The following GTF2A2 variants were observed in gnomAD, a reference collection of about 807,000 sequenced individuals.
GTF2A2 encodes general transcription factor IIA subunit 2, also known as transcription initiation factor IIA subunit 2.
A neutral mutation model predicts 14.3 loss-of-function variants in GTF2A2; 9 were observed. The observed-to-expected ratio is 0.63, with a 90% CI of 0.38 to 1.10. The LOEUF is 1.10. GTF2A2 is among the 50% of genes least tolerant of loss of function. The pLI is 0.01. For synonymous variants in GTF2A2, 56 were observed against 46.0 expected, an observed-to-expected ratio of 1.22 and a Z score of -0.88; for missense variants, 90 against 124.6, an observed-to-expected ratio of 0.72 and a Z score of 1.32.
intron 3 of GTF2A2, among the ~76,000 whole-genome samples, chr15:59,645,460 AG>A (rs1281292495): frequency 6.6e-6 from 1 of 152,198 alleles, no homozygotes; most frequent in African/African-American, 2.4e-5. Context: ...CAAGGGAAAT[AG>A]GGGTTCAAAA....
At chr15:59,652,109 G>C in intron 2 of GTF2A2, 97 bp downstream of exon 2, 2 of 727,652 alleles carry the variant, frequency 2.7e-6, no homozygotes. Flanking sequence ...AATAGTCCAA[G>C]ATATTTTACC....
intron 1 of GTF2A2, among the ~76,000 whole-genome samples, chr15:59,654,348 C>G (rs1369192008): frequency 1.3e-5 from 2 of 152,166 alleles, no homozygotes; most frequent in Admixed American, 6.5e-5. Flanking sequence ...GGTGGCTCTT[C>G]TTTTTGCTGA....
At chr15:59,651,831 C>G (rs1316137571) in intron 2 of GTF2A2, 1 of 167,170 alleles carries the variant, frequency 6.0e-6, no homozygotes, top group Non-Finnish European at 1.3e-5. Flanking sequence ...GGACTATAGG[C>G]ATGCGCCCAC....
At chr15:59,639,942 AGTTTCACCATGTTGGCCAGGCTG>A (rs1891346010) in intron 4 of GTF2A2, 1 of 151,606 alleles carries the variant, frequency 6.6e-6, no homozygotes, top group Non-Finnish European at 1.5e-5. Flanking sequence ...GTAGAGATGG[AGTTTCACCATGTTGGCCAGGCTG>A]CTCTCAAACT....
chr15:59,641,181 CT>C (rs374075324), intron 4 of GTF2A2, among the ~76,000 whole-genome samples: 6,983 of 141,244 alleles, frequency 0.049, 316 homozygotes, highest in East Asian at 0.2. Context: ...CAGCAAGACT[CT>C]TTTTTTTTTT....
intron 3 of GTF2A2, among the ~76,000 whole-genome samples, chr15:59,647,150 T>TG (rs1481206327): frequency 1.3e-5 from 2 of 152,166 alleles, no homozygotes; most frequent in African/African-American, 2.4e-5. Flanking sequence ...TGAAATGCAA[T>TG]GGCATGATCA....
intron 3 of GTF2A2, among the ~76,000 whole-genome samples, chr15:59,645,780 A>C (rs555818653): frequency 6.6e-6 from 1 of 152,160 alleles, no homozygotes; most frequent in South Asian, 2.1e-4. Context: ...TCACACCTGT[A>C]ATCCCAGCAC....
chr15:59,656,426 C>A (rs1327582414), intron 1 of GTF2A2, among the ~76,000 whole-genome samples: 2 of 88,346 alleles, frequency 2.3e-5, no homozygotes, highest in East Asian at 2.4e-4. Context: ...CTTTATATTT[C>A]TCTTTTTTTT....
intron 4 of GTF2A2, among the ~76,000 whole-genome samples, chr15:59,641,205 C>CTTAAGA (rs139776096): frequency 0.59 from 84,647 of 142,908 alleles, 25,053 homozygotes; most frequent in Middle Eastern, 0.69. Flanking sequence ...TTTTTTAAGG[C>CTTAAGA]TTAAGAGTAG....
intron 1 of GTF2A2, among the ~76,000 whole-genome samples, chr15:59,656,265 G>T (rs1891939875): frequency 6.6e-6 from 1 of 152,022 alleles, no homozygotes; most frequent in South Asian, 2.1e-4. Flanking sequence ...TTTCCTATCT[G>T]CCTGAATGCT....
At chr15:59,639,461 C>G (rs1190605119) in intron 4 of GTF2A2, among the ~76,000 whole-genome samples, 1 of 97,320 alleles carries the variant, frequency 1.0e-5, no homozygotes, top group Non-Finnish European at 1.9e-5. Context: ...TTTACTGTCC[C>G]AAATTTTTTT....
chr15:59,655,960 T>C (rs1351804360), intron 1 of GTF2A2, among the ~76,000 whole-genome samples: 2 of 152,190 alleles, frequency 1.3e-5, no homozygotes, highest in African/African-American at 4.8e-5. Flanking sequence ...ACTCTCGTCA[T>C]CTGGATTACT....
intron 1 of GTF2A2, among the ~76,000 whole-genome samples, chr15:59,652,603 TCTGA>T (rs1376649120): frequency 2.0e-5 from 3 of 152,200 alleles, no homozygotes; most frequent in Non-Finnish European, 4.4e-5. Flanking sequence ...ATGTCTGCCT[TCTGA>T]CTTAGTCTAG....
intron 2 of GTF2A2, chr15:59,651,671 C>T (rs1320790761): frequency 1.3e-5 from 2 of 152,054 alleles, no homozygotes; most frequent in Non-Finnish European, 2.9e-5. Flanking sequence ...TTATGTTGAA[C>T]AAAAATTTTT....
At chr15:59,649,780 G>A (rs1891735516) in intron 3 of GTF2A2, among the ~76,000 whole-genome samples, 1 of 152,098 alleles carries the variant, frequency 6.6e-6, no homozygotes, top group South Asian at 2.1e-4. Context: ...TCTAGAACAT[G>A]CCTGGTATGT....
At position 59,641,972 on chromosome 15, in the gene GTF2A2, G is replaced by A. The variant is rs371266381; in HGVS notation, c.304+164C>T. On this transcript the variant is annotated intron_variant, in intron 4 of 4. Coordinates refer to ENST00000396060, the MANE Select transcript of GTF2A2 (RefSeq NM_004492.3). ...AAGTCACAAAGTAAGAGCACTGTTT[G>A]AGATATGTAATCAGAATTTAGTGGA... Among the ~76,000 whole-genome samples, 9 of 152,298 alleles carry A rather than the reference G, an allele frequency of 5.9e-5. No individual in the cohort carries two copies. The South Asian group carries it at 1.2e-3, about 21-fold the overall frequency.
In GTF2A2 at chr15:59,657,486, C is replaced by G. The variant is rs1417878783; in HGVS notation, c.-130G>C. The stretch of plus-strand genomic sequence containing the variant: ...AGGAGGTTCCTACTTCTCCGACCAC[C>G]TCTCCAGCCGCCGCAGAAACCGCAG... On this transcript the variant is annotated 5_prime_UTR_variant, in exon 1 of 5. Transcript: ENST00000396060. 6.6e-6 allele frequency: 1 copy of G among 152,428 alleles called. No homozygotes were observed. The highest frequency in any genetic ancestry group is 1.5e-5 in the Non-Finnish European group (1 of 68,210). The allele number at this position is 152,428 out of a possible 1,614,324, so 9.4% of individuals were successfully genotyped here.
intron 4 of GTF2A2, 119 bp from the exon 5 acceptor site, chr15:59,639,276 A>T (rs1202789352): frequency 4.3e-6 from 3 of 703,694 alleles, no homozygotes; most frequent in Non-Finnish European, 7.9e-6. Flanking sequence ...GGTGGCTTGC[A>T]GGGTGGGGAA....
intron 3 of GTF2A2, chr15:59,644,292 G>A (rs751591970): frequency 1.3e-5 from 2 of 152,230 alleles, no homozygotes; most frequent in Admixed American, 6.5e-5. Flanking sequence ...TAGTCACATA[G>A]GAAATTTAGT....
Sources: gnomAD v4.1 joint callset for allele counts (sites outside exome capture counted in the v4.1 genomes callset) on GRCh38, gnomAD v4.1.1 for gene constraint, MANE v1.5 for transcripts, NCBI Gene and HGNC (gene_info 2026-07-23, HGNC 2026-07-21) for gene names.